SRP68: variants seen among roughly 807,000 people sequenced by gnomAD.
The protein encoded by SRP68 is signal recognition particle 68.
A neutral mutation model predicts 82.2 loss-of-function variants in SRP68; 15 were observed. The observed-to-expected ratio is 0.18, with a 90% confidence interval of 0.12 to 0.28. The LOEUF (loss-of-function observed/expected upper bound fraction) is 0.28, where lower values mean the gene tolerates loss of function less well. Ranked by LOEUF, SRP68 falls within the 10% of genes least tolerant of loss-of-function variation. SRP68 has a pLI of 1.00. For missense variants in SRP68, 595 were observed against 780.5 expected (o/e 0.76, Z 2.83); for synonymous variants, 261 against 292.6 (o/e 0.89, Z 1.10).
At chr17:76,040,833 G>A (rs1598255919) in intron 14 of SRP68, 70 bp downstream of exon 14, 1 of 1,392,474 alleles carries the variant, frequency 7.2e-7, no homozygotes, top group East Asian at 2.3e-5. Flanking sequence ...ACAGTAGTAT[G>A]GGGTGTGACA....
chr17:76,042,672 C>T (rs532748996), intron 13 of SRP68, among the ~76,000 whole-genome samples: 62 of 152,270 alleles, frequency 4.1e-4, no homozygotes, highest in Non-Finnish European at 7.4e-4. Flanking sequence ...GCAACCTCTG[C>T]CTCCCAGATT....
In SRP68 at chr17:76,045,327, C is replaced by G; in HGVS notation, c.1359G>C (p.Glu453Asp). Reference protein sequence around the residue: ...GLEEDKAFQKEIGLKTLVFKA... With the variant: ...GLEEDKAFQKDIGLKTLVFKA... ...TGAACACCAGAGTCTTGAGGCCTATCTCTTTCTGGAAGGCTTTGTCTTCCT... is the reference window on the plus strand; with the variant it reads ...TGAACACCAGAGTCTTGAGGCCTATGTCTTTCTGGAAGGCTTTGTCTTCCT... The change falls in exon 12 of 16, where the codon GAG becomes GAC. Residue 453 changes from glutamate (E) to aspartate (D), a missense_variant. Physicochemically the swap from Glu to Asp is conservative, Grantham distance 45 (BLOSUM62 2). Transcript: ENST00000307877. The G allele has an allele frequency of 1.9e-6, 3 of 1,613,924 alleles. No individual in the cohort carries two copies. In the South Asian group the frequency reaches 3.3e-5, roughly 18 times the overall value.
At chr17:76,047,797 A>AC (rs1220182618) in intron 10 of SRP68, 109 bp downstream of exon 10, 2 of 532,880 alleles carry the variant, frequency 3.8e-6, no homozygotes, top group South Asian at 6.0e-5. Flanking sequence ...TCAAAAAAAA[A>AC]AACAAAGAAA....
In SRP68 at chr17:76,072,221, C is replaced by A; in HGVS notation, c.184+87G>T. 2.5e-6 allele frequency: 4 copies of A among 1,593,534 alleles called. No individual in the cohort carries two copies. The highest frequency in any genetic ancestry group is 1.1e-5 in the South Asian group (1 of 88,566). ...CAACCCTCGGCCTCTCCTGCCAGGACTTGTCGGGACCCGCCGCCTCTCCCG... is the reference window on the plus strand; with the variant it reads ...CAACCCTCGGCCTCTCCTGCCAGGAATTGTCGGGACCCGCCGCCTCTCCCG... On this transcript the variant is annotated intron_variant, in intron 1 of 15. Transcript: ENST00000307877. This position sits in a 1 kb window ranked among gnomAD's most constrained non-coding sequence, Gnocchi z 4.5.
chr17:76,047,702 T>C (rs2066641614), intron 10 of SRP68, among the ~76,000 whole-genome samples: 1 of 151,812 alleles, frequency 6.6e-6, no homozygotes. Context: ...GGTTAGAGGA[T>C]TGATTGAGCC....
intron 8 of SRP68, among the ~76,000 whole-genome samples, chr17:76,054,369 A>C (rs2066697322): frequency 3.3e-5 from 5 of 152,354 alleles, no homozygotes; most frequent in South Asian, 2.1e-4. Context: ...TATGGGGACA[A>C]GAATCAAACC....
intron 13 of SRP68, among the ~76,000 whole-genome samples, chr17:76,041,934 C>T (rs750005532): frequency 4.6e-5 from 7 of 152,038 alleles, no homozygotes; most frequent in African/African-American, 1.4e-4. Context: ...ACTCTGTTGC[C>T]GCCCAGGGGC....
At chr17:76,069,852 G>A (rs563232462) in intron 2 of SRP68, among the ~76,000 whole-genome samples, 22 of 151,562 alleles carry the variant, frequency 1.5e-4, no homozygotes, top group Non-Finnish European at 2.4e-4. Flanking sequence ...TGAGGTGGGT[G>A]GATCACCTGA....
intron 8 of SRP68, chr17:76,053,603 A>G: frequency 1.0e-6 from 1 of 985,424 alleles, no homozygotes; most frequent in Non-Finnish European, 1.2e-6. Flanking sequence ...ACAAAGCTCT[A>G]AGTTCCCACT....
chr17:76,066,693 G>C (rs571556705), intron 3 of SRP68, among the ~76,000 whole-genome samples: 2 of 150,784 alleles, frequency 1.3e-5, no homozygotes, highest in Non-Finnish European at 3.0e-5. Flanking sequence ...ACAGAGGAAG[G>C]GGGGCTCCAA....
Position 76,072,208 on chromosome 17 carries a change from T to C in SRP68, c.184+100A>G. The stretch of plus-strand genomic sequence containing the variant: ...GCGAGAGAAACTGCAACCCTCGGCC[T>C]CTCCTGCCAGGACTTGTCGGGACCC... On this transcript the variant is annotated intron_variant, in intron 1 of 15. Transcript: ENST00000307877. This position sits in a 1 kb window ranked among gnomAD's most constrained non-coding sequence, Gnocchi z 4.5. The C allele has an allele frequency of 6.3e-7, 1 of 1,575,590 alleles. No individual in the cohort carries two copies. The highest frequency in any genetic ancestry group is 8.5e-7 in the Non-Finnish European group (1 of 1,170,040).
In SRP68 at chr17:76,045,402, A is replaced by G; in HGVS notation, c.1300-16T>C. On this transcript the variant is annotated splice_polypyrimidine_tract_variant and intron_variant, in intron 11 of 15. Coordinates refer to ENST00000307877, the MANE Select transcript of SRP68 (RefSeq NM_014230.4). ...CCACCAGATTCTGTACAACAGATGC[A>G]ACAAGAAAATTCATGAAGAGTAGAT... 6.4e-7 allele frequency: 1 copy of G among 1,574,230 alleles called. No homozygotes were observed. The highest frequency in any genetic ancestry group is 8.7e-7 in the Non-Finnish European group (1 of 1,145,498).
At chr17:76,040,278 G>C in intron 15 of SRP68, 141 bp downstream of exon 15, 1 of 810,988 alleles carries the variant, frequency 1.2e-6, no homozygotes, top group Non-Finnish European at 2.1e-6. Flanking sequence ...TATGCAAGAA[G>C]CTTTGAGGTT....
Position 76,061,193 on chromosome 17 carries a change from G to A in SRP68, c.671C>T (p.Ala224Val). 1 of 1,613,404 alleles carries A rather than the reference G, an allele frequency of 6.2e-7. No homozygotes were observed. The highest frequency in any genetic ancestry group is 8.5e-7 in the Non-Finnish European group (1 of 1,179,384). The stretch of plus-strand genomic sequence containing the variant: ...CAGCACAGCCTGCTCCTCTGTGAAA[G>A]CACTGGCTAGCTTCTCATAGATAGT... ...CKTIYEKLAS[A>V]FTEEQAVLYN... The change falls in exon 6 of 16, where the codon GCT (alanine) becomes GTT (valine). Residue 224 changes from alanine (A) to valine (V), a missense_variant. This residue lies in a region of SRP68 where 495 missense variants were observed against 688.6 expected (regional missense o/e 0.72). Transcript: ENST00000307877.
intron 14 of SRP68, 125 bp downstream of exon 14, chr17:76,040,778 A>G: frequency 1.1e-6 from 1 of 930,528 alleles, no homozygotes; most frequent in South Asian, 1.5e-5. Flanking sequence ...AGTAAAGGCC[A>G]GGAACATCTT....
In SRP68 at chr17:76,043,987, T is replaced by C. The variant is rs192692951; in HGVS notation, c.1395-29A>G. The C allele has an allele frequency of 4.4e-6, 7 of 1,583,102 alleles. No homozygotes were observed. The Admixed American group carries it at 7.9e-5, about 18-fold the overall frequency. ...ATGGGGAGGGAAAAGAGCCACAATATTCTAAAGCAGCAATTACCCAAGACC... is the reference window on the plus strand; with the variant it reads ...ATGGGGAGGGAAAAGAGCCACAATACTCTAAAGCAGCAATTACCCAAGACC... On this transcript the variant is annotated intron_variant, in intron 12 of 15. Transcript: ENST00000307877.
chr17:76,072,292 G>C lies in SRP68; in HGVS notation c.184+16C>G, dbSNP rs1254237643. On this transcript the variant is annotated intron_variant, in intron 1 of 15. Coordinates refer to ENST00000307877, the MANE Select transcript of SRP68 (RefSeq NM_014230.4). This position sits in a 1 kb window ranked among gnomAD's most constrained non-coding sequence, Gnocchi z 4.5. ...CACGTAATCATTGCGAGTTAGGCCC[G>C]ATTACTCTAGGATACTCTCCAAACT... is the stretch of plus-strand genomic sequence containing the variant. 2 of 1,608,002 alleles carry C rather than the reference G, an allele frequency of 1.2e-6. No individual in the cohort carries two copies. The highest frequency in any genetic ancestry group is 8.5e-7 in the Non-Finnish European group (1 of 1,178,178).
Position 76,069,457 on chromosome 17 carries a change from G to A in SRP68, c.251+921C>T, listed in dbSNP as rs1362487782. Reference sequence around the variant, plus strand: ...AGGCCAGGCACATTGGCTCACACCCGTAATCCCAGTACTTTGGGAGGCTGA... The same window carrying A: ...AGGCCAGGCACATTGGCTCACACCCATAATCCCAGTACTTTGGGAGGCTGA... On this transcript the variant is annotated intron_variant, in intron 2 of 15. Coordinates refer to ENST00000307877, the MANE Select transcript of SRP68 (RefSeq NM_014230.4). Among the ~76,000 whole-genome samples the A allele has an allele frequency of 2.6e-5, 4 of 151,980 alleles. No individual in the cohort carries two copies. In the South Asian group the frequency reaches 6.3e-4, roughly 24 times the overall value.
At chr17:76,052,400 A>G (rs2066679453) in intron 8 of SRP68, among the ~76,000 whole-genome samples, 1 of 152,192 alleles carries the variant, frequency 6.6e-6, no homozygotes, top group African/African-American at 2.4e-5. Context: ...GGAATAAGAT[A>G]CATAAGTCTA....
Sources: gnomAD v4.1 joint callset for allele counts (sites outside exome capture counted in the v4.1 genomes callset) on GRCh38, gnomAD v4.1.1 for gene constraint, gnomAD v4.1.1 regional missense constraint, Gnocchi (gnomAD v3.1) non-coding constraint, MANE v1.5 for transcripts, NCBI Gene and HGNC (gene_info 2026-07-23, HGNC 2026-07-21) for gene names.